The following PIK3R6 variants were observed in gnomAD, a reference collection of about 807,000 sequenced individuals.
PIK3R6 encodes phosphoinositide 3-kinase regulatory subunit 6.
A neutral mutation model predicts 84.9 loss-of-function variants in PIK3R6; 91 were observed. The ratio of observed to expected loss-of-function variants is 1.07; its 90% confidence interval spans 0.90 to 1.28. PIK3R6 has a LOEUF of 1.28. PIK3R6 is among the 50% of genes most tolerant of loss of function. PIK3R6 has a pLI of 0.00. For missense variants in PIK3R6, 996 were observed against 985.1 expected (o/e 1.01, Z -0.15); for synonymous variants, 416 against 411.4 (o/e 1.01, Z -0.13).
At chr17:8,861,560 C>T (rs1191099316) in intron 1 of PIK3R6, among the ~76,000 whole-genome samples, 13 of 152,228 alleles carry the variant, frequency 8.5e-5, no homozygotes, top group Admixed American at 8.5e-4. Context: ...TCTGGTCTGT[C>T]CTGCCCGGAA....
In PIK3R6 at chr17:8,857,964, C is replaced by T. The variant is rs138672338; in HGVS notation, c.-91-8079G>A. 1.3e-3 allele frequency among the ~76,000 whole-genome samples: 191 copies of T among 152,130 alleles called. No individual in the cohort carries two copies. In the East Asian group the frequency reaches 0.027, roughly 21 times the overall value. On this transcript the variant is annotated intron_variant, in intron 1 of 19. Coordinates refer to ENST00000619866, the MANE Select transcript of PIK3R6 (RefSeq NM_001010855.4). ...AACTTTACCAGTAACTGTCAGAAAGCCTCCCTATTCATTTGCTCATTCCTT... is the reference window on the plus strand; with the variant it reads ...AACTTTACCAGTAACTGTCAGAAAGTCTCCCTATTCATTTGCTCATTCCTT...
intron 2 of PIK3R6, 104 bp downstream of exon 2, chr17:8,849,678 T>G: frequency 1.5e-6 from 2 of 1,307,002 alleles, no homozygotes; most frequent in Non-Finnish European, 2.0e-6. Flanking sequence ...AGCCTGTCTA[T>G]GTGCAGGGGG....
At chr17:8,849,349 A>G (rs12940048) in intron 2 of PIK3R6, among the ~76,000 whole-genome samples, 1 of 152,172 alleles carries the variant, frequency 6.6e-6, no homozygotes, top group South Asian at 2.1e-4. Flanking sequence ...TGACTGGGGG[A>G]AAAGTACCTG....
intron 2 of PIK3R6, among the ~76,000 whole-genome samples, chr17:8,845,808 G>A (rs1309808692): frequency 3.3e-5 from 5 of 152,044 alleles, no homozygotes; most frequent in African/African-American, 9.7e-5. Flanking sequence ...TTAGCTAGGC[G>A]TAATGATGAT....
At position 8,803,191 on chromosome 17, in the gene PIK3R6, G is replaced by A. The variant is rs984145349; in HGVS notation, c.*82C>T. On this transcript the variant is annotated 3_prime_UTR_variant, in exon 20 of 20. Transcript: ENST00000619866. The surrounding 1 kb of genome is among the most constrained non-coding windows in gnomAD (Gnocchi z 5.0). ...GGCCAAAGCTGCCGTGTGGAGCCGG[G>A]CCTTGCTCTGGCTGTTGGTGTGAGT... 7.7e-6 allele frequency: 12 copies of A among 1,562,402 alleles called. No individual in the cohort carries two copies. Among genetic ancestry groups the A allele is most frequent in the East Asian group, 2.3e-5 (1 of 44,388 alleles).
At chr17:8,840,768 T>A (rs971015933) in intron 2 of PIK3R6, among the ~76,000 whole-genome samples, 6 of 151,384 alleles carry the variant, frequency 4.0e-5, no homozygotes, top group Non-Finnish European at 8.8e-5. Flanking sequence ...TGTGTGTGTG[T>A]GTGAGACGGA....
At chr17:8,816,146 A>G (rs1278135242) in intron 18 of PIK3R6, among the ~76,000 whole-genome samples, 1 of 152,236 alleles carries the variant, frequency 6.6e-6, no homozygotes, top group Non-Finnish European at 1.5e-5. Flanking sequence ...TTAGACTCCC[A>G]GTAATTACAG....
At chr17:8,848,243 C>T (rs775311733) in intron 2 of PIK3R6, among the ~76,000 whole-genome samples, 43 of 152,042 alleles carry the variant, frequency 2.8e-4, no homozygotes, top group Non-Finnish European at 4.9e-4. Context: ...TGAAATTGGC[C>T]ACATCAGTTT....
intron 1 of PIK3R6, among the ~76,000 whole-genome samples, chr17:8,855,774 T>C (rs748270283): frequency 1.3e-5 from 2 of 152,226 alleles, no homozygotes; most frequent in Admixed American, 6.5e-5. Flanking sequence ...GAAAACAGTT[T>C]GACAATTTCT....
At chr17:8,807,180 C>A (rs1452865551) in intron 18 of PIK3R6, among the ~76,000 whole-genome samples, 3 of 152,182 alleles carry the variant, frequency 2.0e-5, no homozygotes, top group African/African-American at 7.2e-5. Context: ...CAGCTCAAGG[C>A]AGACCTCTCA....
In PIK3R6 at chr17:8,803,532, T is replaced by G; in HGVS notation, c.2109-103A>C. On this transcript the variant is annotated intron_variant, in intron 19 of 19. Coordinates refer to ENST00000619866, the MANE Select transcript of PIK3R6 (RefSeq NM_001010855.4). This position sits in a 1 kb window ranked among gnomAD's most constrained non-coding sequence, Gnocchi z 5.0. Reference sequence around the variant, plus strand: ...TTATTGTAGGGCCTAGAGCTGTTATTGTAGGGCATAGAGGAGGCGGCTACA... The same window carrying G: ...TTATTGTAGGGCCTAGAGCTGTTATGGTAGGGCATAGAGGAGGCGGCTACA... 8.3e-7 allele frequency: 1 copy of G among 1,209,568 alleles called. No homozygotes were observed. Among genetic ancestry groups the G allele is most frequent in the East Asian group, 2.5e-5 (1 of 40,010 alleles). 74.9% of individuals were successfully genotyped at this position (1,209,568 alleles called of 1,614,324 possible). A position where few individuals can be genotyped will look rare whatever the true frequency, so the allele number is the denominator to read the frequency against.
chr17:8,837,965 G>C, intron 4 of PIK3R6, 94 bp from the exon 5 acceptor site: 1 of 1,092,482 alleles, frequency 9.2e-7, no homozygotes, highest in Non-Finnish European at 1.4e-6. Flanking sequence ...GCAGGAGATG[G>C]GGTGGAAGGC....
At chr17:8,828,513 C>A in intron 11 of PIK3R6, 54 bp downstream of exon 11, 1 of 1,574,522 alleles carries the variant, frequency 6.4e-7, no homozygotes, top group Non-Finnish European at 8.6e-7. Flanking sequence ...CCACGCCAGG[C>A]CCACCTGTGC....
intron 13 of PIK3R6, among the ~76,000 whole-genome samples, chr17:8,826,770 T>C (rs911130113): frequency 6.6e-6 from 1 of 152,138 alleles, no homozygotes; most frequent in East Asian, 1.9e-4. Context: ...GTTCTGCACA[T>C]GTATCCCAGA....
At position 8,827,353 on chromosome 17, in the gene PIK3R6, C is replaced by G. The variant is rs1050746909; in HGVS notation, c.1393-59G>C. ...CCCTCTCTCCAGCTCTGCCTTCCAG[C>G]TGCCATCAGCCTAGGCTGTGTGAAT... On this transcript the variant is annotated intron_variant, in intron 12 of 19. Transcript: ENST00000619866. 4.6e-6 allele frequency: 7 copies of G among 1,528,520 alleles called. No homozygotes were observed. In the African/African-American group the frequency reaches 9.6e-5, roughly 21 times the overall value. The allele number at this position is 1,528,520 out of a possible 1,614,324, so 94.7% of individuals were successfully genotyped here.
chr17:8,856,002 G>C (rs915096493), intron 1 of PIK3R6, among the ~76,000 whole-genome samples: 16 of 152,312 alleles, frequency 1.1e-4, no homozygotes, highest in African/African-American at 3.4e-4. Flanking sequence ...GCATTAAAAA[G>C]AGAACTACGT....
chr17:8,864,377 T>G (rs1217478907), intron 1 of PIK3R6, among the ~76,000 whole-genome samples: 5 of 152,106 alleles, frequency 3.3e-5, no homozygotes, highest in African/African-American at 9.6e-5. Flanking sequence ...TGCTCCTAGT[T>G]GTGCTGTGAG....
At position 8,819,120 on chromosome 17, in the gene PIK3R6, AC is replaced by A; in HGVS notation, c.1957del (p.Val653LeufsTer15). ...TCCCGCCAAGTTGGAGGACTTGACA[AC>A]CTCTGTCACGTTGACATTCAGACAT... is the stretch of plus-strand genomic sequence containing the variant. Reference protein sequence around the residue: ...HTCLNVNVTEVVKSSNLAGKS... With the variant: ...HTCLNVNVTEXVKSSNLAGKS... On this transcript the variant is annotated frameshift_variant, in exon 18 of 20. Transcript: ENST00000619866. LOFTEE classifies it high-confidence loss of function. The A allele has an allele frequency of 6.2e-7, 1 of 1,608,708 alleles. No individual in the cohort carries two copies. The highest frequency in any genetic ancestry group is 8.5e-7 in the Non-Finnish European group (1 of 1,177,730).
chr17:8,827,163 C>T lies in PIK3R6; in HGVS notation c.1515+9G>A, dbSNP rs544761677. ...TCTCTCCCTCCCTGGTACCCTCACC[C>T]TCCCCTACCATCTCAGCCAGCTTGT... On this transcript the variant is annotated intron_variant, in intron 13 of 19. Coordinates refer to ENST00000619866, the MANE Select transcript of PIK3R6 (RefSeq NM_001010855.4). 1.1e-5 allele frequency: 17 copies of T among 1,612,362 alleles called. No individual in the cohort carries two copies. The Admixed American group carries it at 2.8e-4, about 27-fold the overall frequency.
Sources: gnomAD v4.1 joint callset for allele counts (sites outside exome capture counted in the v4.1 genomes callset) on GRCh38, gnomAD v4.1.1 for gene constraint, Gnocchi (gnomAD v3.1) non-coding constraint, MANE v1.5 for transcripts, NCBI Gene and HGNC (gene_info 2026-07-23, HGNC 2026-07-21) for gene names.